The following MYOM1 variants were observed in gnomAD, a reference collection of about 807,000 sequenced individuals.
The protein encoded by MYOM1 is myomesin 1.
MYOM1 carries 164 observed loss-of-function variants against 205.3 expected under a neutral mutation model. That is an observed-to-expected ratio of 0.80 (90% CI 0.70 to 0.91). MYOM1 has a LOEUF of 0.91. MYOM1 is among the 40% of genes least tolerant of loss of function. MYOM1 has a pLI of 0.00. For synonymous variants in MYOM1, 772 were observed against 789.4 expected, an observed-to-expected ratio of 0.98 and a Z score of 0.37; for missense variants, 2,011 against 2,127.3, an observed-to-expected ratio of 0.95 and a Z score of 1.08.
chr18:3,139,173 T>G (rs550509812), intron 14 of MYOM1, among the ~76,000 whole-genome samples: 1 of 152,216 alleles, frequency 6.6e-6, no homozygotes, highest in African/African-American at 2.4e-5. Context: ...CTCATAGGAC[T>G]ACTCTAAGAA....
intron 10 of MYOM1, among the ~76,000 whole-genome samples, chr18:3,161,973 G>C (rs2080397221): frequency 6.6e-6 from 1 of 152,124 alleles, no homozygotes; most frequent in Non-Finnish European, 1.5e-5. Flanking sequence ...GTGATTACCA[G>C]AAAACCTAAA....
At chr18:3,194,257 C>T (rs374418430) in intron 2 of MYOM1, among the ~76,000 whole-genome samples, 1 of 152,068 alleles carries the variant, frequency 6.6e-6, no homozygotes, top group Admixed American at 6.5e-5. Flanking sequence ...TTCTAAATGC[C>T]CTTTTGTGTT....
chr18:3,077,630 C>A (rs1003545924), intron 34 of MYOM1, among the ~76,000 whole-genome samples: 1 of 152,144 alleles, frequency 6.6e-6, no homozygotes, highest in Non-Finnish European at 1.5e-5. Context: ...GCTGGTAGGA[C>A]AATCTACAGC....
At chr18:3,076,359 C>A (rs950221823) in intron 34 of MYOM1, among the ~76,000 whole-genome samples, 5 of 152,168 alleles carry the variant, frequency 3.3e-5, no homozygotes, top group Admixed American at 3.3e-4. Context: ...TGAGCCACTG[C>A]GCCCAGCCAT....
chr18:3,140,133 G>C (rs1214608081), intron 14 of MYOM1, among the ~76,000 whole-genome samples: 2 of 152,142 alleles, frequency 1.3e-5, no homozygotes, highest in African/African-American at 4.8e-5. Flanking sequence ...GCAGCCGGGC[G>C]TGGTGGGTCA....
rs1475771681 is a variant in MYOM1 at position 3,152,656 on chromosome 18, A to C, written c.1644-763T>G. 6.6e-6 allele frequency among the ~76,000 whole-genome samples: 1 copy of C among 151,730 alleles called. No homozygotes were observed. Among genetic ancestry groups the C allele is most frequent in the Non-Finnish European group, 1.5e-5 (1 of 67,948 alleles). On this transcript the variant is annotated intron_variant, in intron 11 of 37. Transcript: ENST00000356443. This position sits in a 1 kb window ranked among gnomAD's most constrained non-coding sequence, Gnocchi z 4.3. ...GCTTTAGGGGTTCAACATGTGATTA[A>C]ATTTTACAGATTAGGATTAAGCAGC...
intron 14 of MYOM1, among the ~76,000 whole-genome samples, chr18:3,137,662 G>A (rs146233662): frequency 0.013 from 1,918 of 152,294 alleles, 25 homozygotes; most frequent in Non-Finnish European, 0.017. Context: ...CAGAGGCTGG[G>A]AAGGGTTGGG....
chr18:3,117,996 G>A (rs187137883), intron 20 of MYOM1, among the ~76,000 whole-genome samples: 2 of 152,222 alleles, frequency 1.3e-5, no homozygotes, highest in Non-Finnish European at 2.9e-5. Flanking sequence ...TCTAGATTGG[G>A]AGCAGTATCC....
chr18:3,233,845 C>T, the MYOM1 span, among the ~76,000 whole-genome samples: 4,039 of 152,238 alleles, frequency 0.027, 143 homozygotes, highest in African/African-American at 0.083. Flanking sequence ...ACTCTTTTTC[C>T]GGGAAGAATA....
At chr18:3,149,292 C>A in intron 12 of MYOM1, 91 bp from the exon 13 acceptor site, 1 of 1,052,848 alleles carries the variant, frequency 9.5e-7, no homozygotes, top group Non-Finnish European at 1.4e-6. Context: ...CCAGATTAGT[C>A]ACAACTGGGT....
At chr18:3,126,289 T>C (rs975227207) in intron 19 of MYOM1, among the ~76,000 whole-genome samples, 1 of 148,190 alleles carries the variant, frequency 6.7e-6, no homozygotes, top group Non-Finnish European at 1.5e-5. Context: ...AAAAAGAAAG[T>C]TAAAAATCCA....
At chr18:3,166,948 T>C (rs778667569) in intron 9 of MYOM1, among the ~76,000 whole-genome samples, 1 of 152,224 alleles carries the variant, frequency 6.6e-6, no homozygotes, top group Non-Finnish European at 1.5e-5. Flanking sequence ...AAAGGGATGA[T>C]GAAAGTCCCT....
intron 31 of MYOM1, 142 bp downstream of exon 31, chr18:3,084,903 C>T (rs2079131648): frequency 1.6e-6 from 1 of 608,130 alleles, no homozygotes; most frequent in Non-Finnish European, 2.9e-6. Flanking sequence ...AAACAGTTCA[C>T]TCTGTTGGAA....
chr18:3,208,636 C>G (rs537031449), intron 2 of MYOM1, among the ~76,000 whole-genome samples: 6 of 152,262 alleles, frequency 3.9e-5, no homozygotes, highest in African/African-American at 1.2e-4. Context: ...TGTGGCTCAT[C>G]ATTTTGTTGG....
intron 14 of MYOM1, among the ~76,000 whole-genome samples, chr18:3,138,464 G>A (rs927665385): frequency 5.3e-5 from 8 of 152,128 alleles, no homozygotes; most frequent in East Asian, 1.9e-4. Flanking sequence ...AAAGCCACAC[G>A]CATGCTCTTG....
At chr18:3,161,259 A>C (rs1389770953) in intron 10 of MYOM1, among the ~76,000 whole-genome samples, 2 of 152,182 alleles carry the variant, frequency 1.3e-5, no homozygotes, top group Admixed American at 6.5e-5. Context: ...ATATTCAGGT[A>C]TCTATACCAG....
chr18:3,080,189 A>G (rs1427096569), intron 33 of MYOM1, among the ~76,000 whole-genome samples: 1 of 152,232 alleles, frequency 6.6e-6, no homozygotes, highest in African/African-American at 2.4e-5. Flanking sequence ...TGACGTTATT[A>G]TAGTAACCAT....
Position 3,198,331 on chromosome 18 carries a change from C to A in MYOM1, c.291-4373G>T, listed in dbSNP as rs139748604. Among the ~76,000 whole-genome samples, 15 of 152,280 alleles carry A rather than the reference C, an allele frequency of 9.9e-5. No individual in the cohort carries two copies. In the East Asian group the frequency reaches 2.9e-3, roughly 29 times the overall value. On this transcript the variant is annotated intron_variant, in intron 2 of 37. Transcript: ENST00000356443. ...ACTGTGCCACCAAAGCCAGCATCAC[C>A]CATCCTTATGTGTTCAGGGTTAGGC... is the stretch of plus-strand genomic sequence containing the variant.
intron 8 of MYOM1, among the ~76,000 whole-genome samples, chr18:3,169,298 T>C (rs2080519644): frequency 6.6e-6 from 1 of 152,240 alleles, no homozygotes; most frequent in South Asian, 2.1e-4. Flanking sequence ...TTTAAATCTT[T>C]AGCTGCAACA....
Sources: allele counts gnomAD v4.1 joint callset (sites outside exome capture counted in the v4.1 genomes callset), GRCh38; gene constraint gnomAD v4.1.1; non-coding constraint Gnocchi (gnomAD v3.1); transcripts MANE v1.5; gene names NCBI Gene and HGNC (gene_info 2026-07-23, HGNC 2026-07-21).